C19orf44: variants seen among roughly 807,000 people sequenced by gnomAD.
C19orf44 encodes the protein uncharacterized protein C19orf44.
Under a neutral mutation model 50.7 loss-of-function variants are expected in C19orf44, and 43 were observed. The observed-to-expected ratio is 0.85, with a 90% CI of 0.66 to 1.09. The LOEUF is 1.09. C19orf44 is among the 50% of genes least tolerant of loss of function. C19orf44 has a pLI of 0.00. For synonymous variants in C19orf44, 298 were observed against 334.7 expected (o/e 0.89, Z 1.20); for missense variants, 722 against 836.2 (o/e 0.86, Z 1.68).
Position 16,519,691 on chromosome 19 carries a change from A to G in C19orf44, c.*41-403A>G, listed in dbSNP as rs2085589450. 4 of 1,613,838 alleles carry G rather than the reference A, an allele frequency of 2.5e-6. No individual in the cohort carries two copies. Among genetic ancestry groups the G allele is most frequent in the Admixed American group, 1.7e-5 (1 of 59,994 alleles). On this transcript the variant is annotated intron_variant, in intron 8 of 8. Transcript: ENST00000221671. The surrounding 1 kb of genome is among the most constrained non-coding windows in gnomAD (Gnocchi z 6.0). ...TTGAGTCAGGGATGGGAGGCGCCGA[A>G]TTAGAACCCAGACCAGCAGAGGAAC...
In C19orf44 at chr19:16,514,618, G is replaced by A; in HGVS notation, c.1857G>A (p.Leu619=). 6.3e-7 allele frequency: 1 copy of A among 1,594,110 alleles called. No homozygotes were observed. Among genetic ancestry groups the A allele is most frequent in the Non-Finnish European group, 8.5e-7 (1 of 1,171,572 alleles). Residue 619 remains leucine, a synonymous_variant, in exon 7 of 9, where the codon CTG becomes CTA. Transcript: ENST00000221671. ...RHLHASLLRS[L]DADSFHYHTL... is the part of the protein sequence containing the mutation. ...TGCACGCCTCCCTCCTGCGCTCCCT[G>A]GACGCGGACTCCTTCCACTACCACA...
chr19:16,512,586 AAAG>A (rs1413112719), intron 5 of C19orf44, among the ~76,000 whole-genome samples: 2 of 152,066 alleles, frequency 1.3e-5, no homozygotes, highest in Admixed American at 6.6e-5. Context: ...AAAAAAAAGT[AAAG>A]AAGGGCCGGG....
At chr19:16,498,503 C>T (rs1015524197) in intron 1 of C19orf44, among the ~76,000 whole-genome samples, 15 of 151,882 alleles carry the variant, frequency 9.9e-5, no homozygotes, top group South Asian at 2.1e-4. Context: ...AGGCTGGTCT[C>T]GAACTCATGG....
intron 2 of C19orf44, among the ~76,000 whole-genome samples, chr19:16,502,661 C>T (rs1434541524): frequency 6.6e-6 from 1 of 152,064 alleles, no homozygotes; most frequent in Non-Finnish European, 1.5e-5. Context: ...TGGTCTCATG[C>T]TCCCCGCTAA....
intron 5 of C19orf44, among the ~76,000 whole-genome samples, chr19:16,511,510 A>C (rs1228359280): frequency 6.6e-6 from 1 of 152,102 alleles, no homozygotes; most frequent in African/African-American, 2.4e-5. Flanking sequence ...TCTCATTCCC[A>C]GCTTCAGTCT....
intron 1 of C19orf44, among the ~76,000 whole-genome samples, chr19:16,499,829 G>A (rs922327424): frequency 6.7e-5 from 10 of 150,164 alleles, no homozygotes; most frequent in Admixed American, 2.0e-4. Flanking sequence ...TCGCTCTGTC[G>A]TCCAGGCTGG....
intron 4 of C19orf44, among the ~76,000 whole-genome samples, chr19:16,509,143 C>A (rs979450881): frequency 6.7e-6 from 1 of 150,138 alleles, no homozygotes; most frequent in Non-Finnish European, 1.5e-5. Context: ...TTTTTTTTTT[C>A]TTATAGAGGT....
chr19:16,510,385 A>G lies in C19orf44; in HGVS notation c.1639+397A>G, dbSNP rs191086645. ...CCCTGCACTCCAGCCTGGGTGACAG[A>G]ATGAGACTCTGTCTCAAAAAAAATA... On this transcript the variant is annotated intron_variant, in intron 5 of 8. Transcript: ENST00000221671. Among the ~76,000 whole-genome samples, 7 of 152,128 alleles carry G rather than the reference A, an allele frequency of 4.6e-5. No individual in the cohort carries two copies. In the East Asian group the frequency reaches 1.2e-3, roughly 25 times the overall value.
chr19:16,518,970 G>A (rs1184271917), intron 8 of C19orf44: 5 of 613,784 alleles, frequency 8.1e-6, no homozygotes, highest in African/African-American at 3.7e-5. Flanking sequence ...GGTGGCACCC[G>A]TGCCCTCCAC....
chr19:16,519,747 A>G lies in C19orf44; in HGVS notation c.*41-347A>G, dbSNP rs1293421796. The G allele has an allele frequency of 6.5e-7, 1 of 1,546,880 alleles. No individual in the cohort carries two copies. Among genetic ancestry groups the G allele is most frequent in the Non-Finnish European group, 8.9e-7 (1 of 1,119,052 alleles). On this transcript the variant is annotated intron_variant, in intron 8 of 8. Coordinates refer to ENST00000221671, the MANE Select transcript of C19orf44 (RefSeq NM_032207.4). The surrounding 1 kb of genome is among the most constrained non-coding windows in gnomAD (Gnocchi z 6.0). ...TCGAGACAGGTTATTCTTTTTAAGA[A>G]GTAACTGAGACATTTATTGGAATGA...
intron 2 of C19orf44, among the ~76,000 whole-genome samples, chr19:16,502,113 T>A (rs967231002): frequency 5.1e-4 from 77 of 151,896 alleles, no homozygotes; most frequent in African/African-American, 1.6e-3. Context: ...TTTCTCCATG[T>A]TGATCAGGCT....
chr19:16,520,596 T>G lies in C19orf44; in HGVS notation c.*543T>G. On this transcript the variant is annotated 3_prime_UTR_variant, in exon 9 of 9. Transcript: ENST00000221671. The surrounding 1 kb of genome is among the most constrained non-coding windows in gnomAD (Gnocchi z 4.0). ...CCTCAGGTTCCTAGACCACCCCAGA[T>G]GCAGGGGCTCTGGCTGTGGATGTGG... 1 of 1,438,306 alleles carries G rather than the reference T, an allele frequency of 7.0e-7. No homozygotes were observed. Among genetic ancestry groups the G allele is most frequent in the Non-Finnish European group, 9.5e-7 (1 of 1,049,038 alleles). 89.1% of individuals were successfully genotyped at this position (1,438,306 alleles called of 1,614,324 possible). A position where few individuals can be genotyped will look rare whatever the true frequency, so the allele number is the denominator to read the frequency against.
intron 6 of C19orf44, among the ~76,000 whole-genome samples, chr19:16,513,603 C>T (rs973536516): frequency 2.0e-5 from 3 of 152,184 alleles, no homozygotes; most frequent in South Asian, 2.1e-4. Flanking sequence ...AGGCTGGTCT[C>T]GAACTCCTGA....
chr19:16,515,882 C>T (rs1466071569), intron 7 of C19orf44, among the ~76,000 whole-genome samples: 9 of 152,150 alleles, frequency 5.9e-5, no homozygotes, highest in Admixed American at 2.0e-4. Context: ...CTGCAACCTC[C>T]GCCTCCTGGG....
rs2085584963 is a variant in C19orf44 at position 16,519,392 on chromosome 19, G to A, written c.*41-702G>A. 1 of 1,584,706 alleles carries A rather than the reference G, an allele frequency of 6.3e-7. No individual in the cohort carries two copies. Among genetic ancestry groups the A allele is most frequent in the Non-Finnish European group, 8.6e-7 (1 of 1,163,622 alleles). On this transcript the variant is annotated intron_variant, in intron 8 of 8. Coordinates refer to ENST00000221671, the MANE Select transcript of C19orf44 (RefSeq NM_032207.4). The surrounding 1 kb of genome is among the most constrained non-coding windows in gnomAD (Gnocchi z 6.0). The stretch of plus-strand genomic sequence containing the variant: ...GCAGTCACAACCACAACAAGGCGGA[G>A]GCAGATGGGGGTGCACGTGGGGGGC...
rs780912070 is a variant in C19orf44 at position 16,500,879 on chromosome 19, A to G, written c.87A>G (p.Glu29=). ...SDVSLEDSTM[E]EIRNFQISRN... ...TTTCCTTGGAAGATTCAACAATGGA[A>G]GAAATCAGAAACTTCCAGATCAGTA... Residue 29 remains glutamate (E), a synonymous_variant, in exon 2 of 9, where the codon GAA becomes GAG. Transcript: ENST00000221671. The G allele has an allele frequency of 6.2e-7, 1 of 1,613,292 alleles. No individual in the cohort carries two copies. The highest frequency in any genetic ancestry group is 1.3e-5 in the African/African-American group (1 of 74,968).
chr19:16,519,911 C>A lies in C19orf44; in HGVS notation c.*41-183C>A. ...GCTCCAGACGCTGGCCCCCACCCCA[C>A]GCTCAGCATTGAGAGCAGGACACCT... On this transcript the variant is annotated intron_variant, in intron 8 of 8. Coordinates refer to ENST00000221671, the MANE Select transcript of C19orf44 (RefSeq NM_032207.4). The surrounding 1 kb of genome is among the most constrained non-coding windows in gnomAD (Gnocchi z 6.0). The A allele has an allele frequency of 1.5e-6, 1 of 664,624 alleles. No homozygotes were observed. Among genetic ancestry groups the A allele is most frequent in the South Asian group, 1.8e-5 (1 of 56,330 alleles). The allele number at this position is 664,624 out of a possible 1,614,324, so 41.2% of individuals were successfully genotyped here.
intron 1 of C19orf44, among the ~76,000 whole-genome samples, chr19:16,497,839 G>T (rs1162214591): frequency 6.6e-6 from 1 of 152,146 alleles, no homozygotes; most frequent in Non-Finnish European, 1.5e-5. Context: ...ATGGGGCCAG[G>T]TATGATGATG....
In C19orf44 at chr19:16,517,253, C is replaced by G; in HGVS notation, c.1926C>G (p.Ala642=). 6.2e-7 allele frequency: 1 copy of G among 1,614,098 alleles called. No homozygotes were observed. The part of the protein sequence containing the change: ...AKEYIRCHRP[A]PLTMEDALEE... ...AGTACATTAGGTGCCACAGACCTGC[C>G]CCACTGACCATGGAGGATGCCCTGG... is the stretch of plus-strand genomic sequence containing the variant. Residue 642 remains alanine, a synonymous_variant, in exon 8 of 9, where the codon GCC becomes GCG. Coordinates refer to ENST00000221671, the MANE Select transcript of C19orf44 (RefSeq NM_032207.4).
Sources: allele counts gnomAD v4.1 joint callset (sites outside exome capture counted in the v4.1 genomes callset), GRCh38; gene constraint gnomAD v4.1.1; non-coding constraint Gnocchi (gnomAD v3.1); transcripts MANE v1.5; gene names NCBI Gene and HGNC (gene_info 2026-07-23, HGNC 2026-07-21).